DCC: variants seen among roughly 807,000 people sequenced by gnomAD.
The protein encoded by DCC is DCC netrin 1 receptor.
DCC carries 58 observed loss-of-function variants against 172.5 expected under a neutral mutation model. The ratio of observed to expected loss-of-function variants is 0.34; its 90% CI spans 0.27 to 0.42. The LOEUF (loss-of-function observed/expected upper bound fraction) is 0.42, where lower values mean the gene tolerates loss of function less well. Ranked by LOEUF, DCC falls within the 10% of genes least tolerant of loss-of-function variation. The pLI, the probability that DCC is intolerant of heterozygous loss-of-function variation, is 1.00. For missense variants in DCC, 1,740 were observed against 1,791.0 expected (o/e 0.97, Z 0.51); for synonymous variants, 709 against 644.5 (o/e 1.10, Z -1.52).
At chr18:52,945,890 A>G (rs570672502) in intron 5 of DCC, among the ~76,000 whole-genome samples, 16 of 152,350 alleles carry the variant, frequency 1.1e-4, no homozygotes, top group African/African-American at 3.8e-4. Context: ...AAAATTTTGC[A>G]GAATCATCTG....
At chr18:52,615,511 A>G (rs2034363048) in intron 1 of DCC, among the ~76,000 whole-genome samples, 1 of 152,190 alleles carries the variant, frequency 6.6e-6, no homozygotes, top group Non-Finnish European at 1.5e-5. Flanking sequence ...CATGCAGATC[A>G]GTATCTAGTC....
At chr18:53,176,903 A>C (rs78706586) in intron 8 of DCC, among the ~76,000 whole-genome samples, 9,795 of 150,642 alleles carry the variant, frequency 0.065, 451 homozygotes, top group African/African-American at 0.14. Context: ...GGCATTATTC[A>C]CAATAGCAAA....
intron 26 of DCC, among the ~76,000 whole-genome samples, chr18:53,496,524 T>C (rs1468124784): frequency 6.6e-6 from 1 of 152,192 alleles, no homozygotes; most frequent in Non-Finnish European, 1.5e-5. Flanking sequence ...GCAAAATGTC[T>C]GAAAATTCCA....
At chr18:52,897,586 A>C (rs1046777511) in intron 2 of DCC, among the ~76,000 whole-genome samples, 7 of 152,236 alleles carry the variant, frequency 4.6e-5, no homozygotes, top group African/African-American at 1.7e-4. Context: ...GCTTTTATTT[A>C]TCCACTTAAC....
chr18:52,451,766 C>T (rs1208061282), intron 1 of DCC, among the ~76,000 whole-genome samples: 3 of 151,906 alleles, frequency 2.0e-5, no homozygotes, highest in East Asian at 1.9e-4. Flanking sequence ...TGAGTCGGCT[C>T]GTAGGGCTGG....
intron 12 of DCC, among the ~76,000 whole-genome samples, chr18:53,242,305 A>G (rs2056307043): frequency 6.6e-6 from 1 of 152,194 alleles, no homozygotes; most frequent in African/African-American, 2.4e-5. Context: ...GCTTAATGAT[A>G]TAAGTTTCCA....
At chr18:52,925,692 G>A (rs536126184) in intron 5 of DCC, among the ~76,000 whole-genome samples, 8 of 152,068 alleles carry the variant, frequency 5.3e-5, no homozygotes, top group African/African-American at 1.9e-4. Flanking sequence ...GAAAATAAAT[G>A]AAGGAAAATT....
chr18:52,554,650 G>C (rs1297257080), intron 1 of DCC, among the ~76,000 whole-genome samples: 7 of 152,016 alleles, frequency 4.6e-5, no homozygotes, highest in Non-Finnish European at 8.8e-5. Context: ...ATAAATAAAG[G>C]AAAGGGATAC....
At chr18:53,104,981 G>A (rs538421740) in intron 7 of DCC, among the ~76,000 whole-genome samples, 18 of 152,154 alleles carry the variant, frequency 1.2e-4, no homozygotes, top group African/African-American at 4.3e-4. Flanking sequence ...ATTCCCATCT[G>A]TGATTATGTA....
chr18:52,679,611 C>T (rs951785931), intron 1 of DCC, among the ~76,000 whole-genome samples: 17 of 152,118 alleles, frequency 1.1e-4, no homozygotes, highest in Non-Finnish European at 2.2e-4. Context: ...GAAAAGTCCT[C>T]TGAATTTCCT....
intron 7 of DCC, among the ~76,000 whole-genome samples, chr18:53,107,638 G>T (rs1455807908): frequency 6.6e-6 from 1 of 151,446 alleles, no homozygotes; most frequent in South Asian, 2.1e-4. Context: ...AGAGTCTCCA[G>T]GGAGATGACC....
intron 12 of DCC, among the ~76,000 whole-genome samples, chr18:53,235,312 T>G (rs2056184653): frequency 6.6e-6 from 1 of 152,208 alleles, no homozygotes; most frequent in Non-Finnish European, 1.5e-5. Flanking sequence ...TTCACATTAT[T>G]TCCATGGAAG....
At chr18:53,350,939 C>A (rs2057784412) in intron 15 of DCC, among the ~76,000 whole-genome samples, 1 of 151,718 alleles carries the variant, frequency 6.6e-6, no homozygotes, top group Non-Finnish European at 1.5e-5. Flanking sequence ...ACTACTTGCT[C>A]AGAGAGAAGT....
intron 1 of DCC, among the ~76,000 whole-genome samples, chr18:52,648,271 C>T (rs569900837): frequency 6.6e-6 from 1 of 152,298 alleles, no homozygotes; most frequent in South Asian, 2.1e-4. Context: ...ATTTACACCA[C>T]AGAAATTGCC....
chr18:52,906,027 CTTTG>C lies in DCC; in HGVS notation c.413-13_413-10del, dbSNP rs1302299606. ...TTATTTGGAAGACTTATTCTTCCTT[CTTTG>C]TTTTTCTCCTAGGACCACTGAGGTT... is the stretch of plus-strand genomic sequence containing the variant. On this transcript the variant is annotated splice_polypyrimidine_tract_variant and intron_variant, in intron 2 of 28. Transcript: ENST00000442544. 6.4e-7 allele frequency: 1 copy of C among 1,553,180 alleles called. No homozygotes were observed. The highest frequency in any genetic ancestry group is 1.1e-5 in the South Asian group (1 of 89,778).
Position 52,497,275 on chromosome 18 carries a change from AAAAAAATATATATATAT to A in DCC, c.91+156399_91+156415del, listed in dbSNP as rs1463704624. Among the ~76,000 whole-genome samples the A allele has an allele frequency of 4.3e-4, 19 of 44,266 alleles. 4 individuals are homozygous for A. Among genetic ancestry groups the A allele is most frequent in the African/African-American group, 8.2e-4 (8 of 9,798 alleles). 29.0% of individuals were successfully genotyped at this position (44,266 alleles called of 152,430 possible). A position where few individuals can be genotyped will look rare whatever the true frequency, so the allele number is the denominator to read the frequency against. Reference sequence around the variant, plus strand: ...GACCCTGTATCAAAAAAAAAAAAAAAAAAAAATATATATATATATATATATATATATATATATATACA... The same window carrying A: ...GACCCTGTATCAAAAAAAAAAAAAAAATATATATATATATATATATATACA... On this transcript the variant is annotated intron_variant, in intron 1 of 28. Transcript: ENST00000442544.
At chr18:52,607,201 T>C (rs548663758) in intron 1 of DCC, among the ~76,000 whole-genome samples, 32 of 152,204 alleles carry the variant, frequency 2.1e-4, no homozygotes, top group African/African-American at 7.0e-4. Flanking sequence ...CCATGACCAC[T>C]GTGGCAGGGA....
intron 12 of DCC, among the ~76,000 whole-genome samples, chr18:53,285,930 G>T (rs2056930555): frequency 6.6e-6 from 1 of 152,174 alleles, no homozygotes; most frequent in Non-Finnish European, 1.5e-5. Flanking sequence ...ACTTGCATGG[G>T]GCCTGTAGCC....
At chr18:53,519,758 A>C (rs1297248633) in intron 27 of DCC, among the ~76,000 whole-genome samples, 2 of 143,790 alleles carry the variant, frequency 1.4e-5, no homozygotes, top group East Asian at 4.7e-4. Context: ...TGTTCTCCAA[A>C]GTGAATAAAT....
Sources: allele counts gnomAD v4.1 joint callset (sites outside exome capture counted in the v4.1 genomes callset), GRCh38; gene constraint gnomAD v4.1.1; transcripts MANE v1.5; gene names NCBI Gene and HGNC (gene_info 2026-07-23, HGNC 2026-07-21).